Variants in CLMP observed in about 807,000 individuals in gnomAD.
CLMP encodes the protein CXADR-like membrane protein.
Under a neutral mutation model 45.2 loss-of-function variants are expected in CLMP, and 27 were observed. That is an observed-to-expected ratio of 0.60 (90% CI 0.44 to 0.82). The LOEUF is 0.82. CLMP is among the 40% of genes least tolerant of loss of function. CLMP has a pLI of 0.00. For synonymous variants in CLMP, 167 were observed against 171.4 expected (o/e 0.97, Z 0.20); for missense variants, 403 against 448.4 (o/e 0.90, Z 0.91).
chr11:123,133,605 C>T (rs6589966), intron 1 of CLMP, among the ~76,000 whole-genome samples: 2 of 151,878 alleles, frequency 1.3e-5, no homozygotes, highest in African/African-American at 2.4e-5. Context: ...TACTATGATG[C>T]GGTTCAGAAC....
At chr11:123,161,479 C>T (rs1322731045) in intron 1 of CLMP, among the ~76,000 whole-genome samples, 1 of 151,846 alleles carries the variant, frequency 6.6e-6, no homozygotes, top group East Asian at 1.9e-4. Flanking sequence ...CCAGCCTAGG[C>T]AACATGGTGA....
At chr11:123,115,756 G>A (rs1311184187) in intron 1 of CLMP, among the ~76,000 whole-genome samples, 1 of 152,108 alleles carries the variant, frequency 6.6e-6, no homozygotes, top group African/African-American at 2.4e-5. Context: ...AGCTCTTTAT[G>A]ATGGCTGTGT....
At chr11:123,154,924 A>C (rs1190244048) in intron 1 of CLMP, among the ~76,000 whole-genome samples, 1 of 152,180 alleles carries the variant, frequency 6.6e-6, no homozygotes, top group African/African-American at 2.4e-5. Context: ...GCTCATTGGG[A>C]GGAAAATAAT....
At chr11:123,147,582 G>T (rs548612531) in intron 1 of CLMP, among the ~76,000 whole-genome samples, 2 of 152,020 alleles carry the variant, frequency 1.3e-5, no homozygotes, top group African/African-American at 4.8e-5. Context: ...CCAGCAGCGA[G>T]CCTTTCTTGA....
At chr11:123,133,429 A>C (rs1861020896) in intron 1 of CLMP, among the ~76,000 whole-genome samples, 1 of 152,024 alleles carries the variant, frequency 6.6e-6, no homozygotes, top group Non-Finnish European at 1.5e-5. Flanking sequence ...TTTAGCAGAA[A>C]TCTTGTTAAG....
intron 5 of CLMP, among the ~76,000 whole-genome samples, chr11:123,077,594 G>A (rs528912490): frequency 1.2e-4 from 18 of 152,200 alleles, no homozygotes; most frequent in African/African-American, 4.3e-4. Context: ...TCAAAGTGTT[G>A]GGGTTACAGG....
intron 1 of CLMP, among the ~76,000 whole-genome samples, chr11:123,193,540 A>AC (rs1383238171): frequency 6.6e-6 from 1 of 151,968 alleles, no homozygotes; most frequent in African/African-American, 2.4e-5. Flanking sequence ...TTAGAAAATA[A>AC]CCCCTCCCCA....
At chr11:123,141,008 T>C (rs985763750) in intron 1 of CLMP, among the ~76,000 whole-genome samples, 4 of 152,008 alleles carry the variant, frequency 2.6e-5, no homozygotes, top group African/African-American at 7.3e-5. Flanking sequence ...TGCTCCCTCT[T>C]TTGCCATGTG....
chr11:123,171,735 C>T (rs185011082), intron 1 of CLMP, among the ~76,000 whole-genome samples: 7 of 152,158 alleles, frequency 4.6e-5, no homozygotes, highest in Admixed American at 2.0e-4. Flanking sequence ...TGAGCCACCG[C>T]GCTCGGCCTG....
At chr11:123,085,182 CT>C (rs112855358) in intron 2 of CLMP, among the ~76,000 whole-genome samples, 4,529 of 136,946 alleles carry the variant, frequency 0.033, 193 homozygotes, top group East Asian at 0.2. Flanking sequence ...GCCTCCCATT[CT>C]TTTTTTTTTT....
chr11:123,078,271 CAATG>C (rs1227972724), intron 5 of CLMP, among the ~76,000 whole-genome samples: 4 of 151,892 alleles, frequency 2.6e-5, no homozygotes, highest in Admixed American at 2.6e-4. Context: ...TACTATAAAA[CAATG>C]AAAAATGACA....
intron 1 of CLMP, among the ~76,000 whole-genome samples, chr11:123,118,909 G>C (rs1016572245): frequency 6.9e-6 from 1 of 145,024 alleles, no homozygotes; most frequent in African/African-American, 2.6e-5. Context: ...TCTTCCAGGT[G>C]ATCTTTGCAT....
chr11:123,131,506 C>CTTAAATACTTAAAAGTGT, intron 1 of CLMP, among the ~76,000 whole-genome samples: 1 of 152,178 alleles, frequency 6.6e-6, no homozygotes, highest in African/African-American at 2.4e-5. Context: ...TTTCCAAACT[C>CTTAAATACTTAAAAGTGT]TTAAATACTG....
At chr11:123,154,898 T>A (rs996878366) in intron 1 of CLMP, among the ~76,000 whole-genome samples, 1 of 152,230 alleles carries the variant, frequency 6.6e-6, no homozygotes, top group Non-Finnish European at 1.5e-5. Context: ...TGGTCAGAAC[T>A]ATTTCAAAAT....
At chr11:123,081,299 C>T (rs531052645) in intron 5 of CLMP, among the ~76,000 whole-genome samples, 1 of 152,238 alleles carries the variant, frequency 6.6e-6, no homozygotes, top group South Asian at 2.1e-4. Flanking sequence ...AGATTAATAT[C>T]CATGCCCTGC....
intron 1 of CLMP, among the ~76,000 whole-genome samples, chr11:123,175,722 G>A (rs755847813): frequency 9.8e-5 from 15 of 152,316 alleles, no homozygotes; most frequent in African/African-American, 3.6e-4. Flanking sequence ...GACAAAGGCT[G>A]CAAGCTTATG....
At chr11:123,139,588 A>T (rs1175041280) in intron 1 of CLMP, among the ~76,000 whole-genome samples, 1 of 152,136 alleles carries the variant, frequency 6.6e-6, no homozygotes, top group African/African-American at 2.4e-5. Context: ...GCACATTGGG[A>T]GGCTGAAGCA....
At chr11:123,187,772 C>T (rs560652887) in intron 1 of CLMP, among the ~76,000 whole-genome samples, 3 of 152,120 alleles carry the variant, frequency 2.0e-5, no homozygotes, top group Admixed American at 1.3e-4. Flanking sequence ...GAGACCATAA[C>T]CTTCAATAGG....
At chr11:123,080,092 A>G (rs1865787419) in intron 5 of CLMP, among the ~76,000 whole-genome samples, 1 of 152,188 alleles carries the variant, frequency 6.6e-6, no homozygotes, top group African/African-American at 2.4e-5. Flanking sequence ...CTTAAAATAA[A>G]ACATAAAACA....
Sources: allele counts gnomAD v4.1 joint callset (sites outside exome capture counted in the v4.1 genomes callset), GRCh38; gene constraint gnomAD v4.1.1; transcripts MANE v1.5; gene names NCBI Gene and HGNC (gene_info 2026-07-23, HGNC 2026-07-21).